The following ADCY8 variants were observed in gnomAD, a reference collection of about 807,000 sequenced individuals.
ADCY8 encodes the protein adenylate cyclase 8, also known as adenylate cyclase type 8.
Under a neutral mutation model 119.7 loss-of-function variants are expected in ADCY8, and 51 were observed. The ratio of observed to expected loss-of-function variants is 0.43; its 90% CI spans 0.34 to 0.54. The LOEUF (loss-of-function observed/expected upper bound fraction) is 0.54. ADCY8 is among the 20% of genes least tolerant of loss of function. ADCY8 has a pLI of 0.03. For synonymous variants in ADCY8, 665 were observed against 651.0 expected, an observed-to-expected ratio of 1.02 and a Z score of -0.33; for missense variants, 1,383 against 1,598.8, an observed-to-expected ratio of 0.87 and a Z score of 2.30.
chr8:130,803,733 G>C (rs1335586342), intron 14 of ADCY8, among the ~76,000 whole-genome samples: 1 of 152,224 alleles, frequency 6.6e-6, no homozygotes, highest in Non-Finnish European at 1.5e-5. Flanking sequence ...AGTAGTGGAA[G>C]AGAGGATCAG....
intron 2 of ADCY8, among the ~76,000 whole-genome samples, chr8:130,978,063 C>T (rs987040347): frequency 1.1e-4 from 16 of 152,126 alleles, no homozygotes; most frequent in Non-Finnish European, 2.1e-4. Flanking sequence ...CTTCACTCTG[C>T]CTTCACCATG....
chr8:131,038,849 AC>A (rs1179927075), intron 1 of ADCY8, among the ~76,000 whole-genome samples: 1 of 152,228 alleles, frequency 6.6e-6, no homozygotes, highest in Non-Finnish European at 1.5e-5. Flanking sequence ...ATGACATAAC[AC>A]GTACAGTACT....
chr8:130,943,489 G>A, intron 3 of ADCY8, 27 bp from the exon 4 acceptor site: 2 of 735,814 alleles, frequency 2.7e-6, no homozygotes, highest in South Asian at 1.4e-5. Flanking sequence ...GGGTGGGGGT[G>A]GGGGGAGGAA....
intron 14 of ADCY8, among the ~76,000 whole-genome samples, chr8:130,801,008 C>G (rs934046849): frequency 1.3e-5 from 2 of 152,158 alleles, no homozygotes; most frequent in Non-Finnish European, 2.9e-5. Context: ...TCCCAAATTT[C>G]CCACCTCCTA....
At chr8:130,898,497 T>C (rs1320304637) in intron 7 of ADCY8, among the ~76,000 whole-genome samples, 3 of 151,518 alleles carry the variant, frequency 2.0e-5, no homozygotes, top group African/African-American at 7.3e-5. Flanking sequence ...AATCAGTCTA[T>C]TGCATAGAAA....
chr8:130,784,555 T>C (rs2130044255), intron 16 of ADCY8, among the ~76,000 whole-genome samples: 1 of 152,374 alleles, frequency 6.6e-6, no homozygotes, highest in Non-Finnish European at 1.5e-5. Context: ...ATATGGTCTT[T>C]GTTGTGACAC....
At chr8:131,032,406 T>C (rs1407935547) in intron 1 of ADCY8, among the ~76,000 whole-genome samples, 1 of 152,142 alleles carries the variant, frequency 6.6e-6, no homozygotes, top group African/African-American at 2.4e-5. Context: ...TCTAGTTAAA[T>C]GAAATTCAGA....
intron 4 of ADCY8, among the ~76,000 whole-genome samples, chr8:130,939,189 CA>C (rs1298979842): frequency 6.6e-6 from 1 of 151,848 alleles, no homozygotes; most frequent in Non-Finnish European, 1.5e-5. Context: ...CTTATAAAAG[CA>C]AATATATTTT....
Position 130,923,290 on chromosome 8 carries a change from A to C in ADCY8, c.1482-13424T>G, listed in dbSNP as rs958165347. ...GAATAGACAGAAAAAAATAGAAAAA[A>C]ATAAAATGTAACAAAGAGAGAAATA... On this transcript the variant is annotated intron_variant, in intron 5 of 17. Coordinates refer to ENST00000286355, the MANE Select transcript of ADCY8 (RefSeq NM_001115.3). 4.6e-5 allele frequency among the ~76,000 whole-genome samples: 7 copies of C among 152,324 alleles called. No homozygotes were observed. The South Asian group carries it at 8.3e-4, about 18-fold the overall frequency.
At chr8:130,934,285 G>A (rs1232164389) in intron 5 of ADCY8, among the ~76,000 whole-genome samples, 1 of 152,188 alleles carries the variant, frequency 6.6e-6, no homozygotes, top group Non-Finnish European at 1.5e-5. Flanking sequence ...TGTACAGGAA[G>A]CATGGCTGCG....
At chr8:130,815,831 G>T (rs1452060274) in intron 13 of ADCY8, among the ~76,000 whole-genome samples, 1 of 152,298 alleles carries the variant, frequency 6.6e-6, no homozygotes, top group Middle Eastern at 3.4e-3. Context: ...CCAGGCAGGG[G>T]CGGAATAGGC....
chr8:130,903,659 G>A, intron 7 of ADCY8, 113 bp downstream of exon 7: 2 of 1,180,710 alleles, frequency 1.7e-6, no homozygotes, highest in Non-Finnish European at 2.4e-6. Context: ...TGCAATTATG[G>A]TGTTCATTGG....
intron 11 of ADCY8, among the ~76,000 whole-genome samples, chr8:130,837,362 AC>A (rs1370220082): frequency 6.6e-6 from 1 of 151,802 alleles, no homozygotes; most frequent in Non-Finnish European, 1.5e-5. Context: ...CTGTTGCTCG[AC>A]TCTCATCCAT....
intron 9 of ADCY8, among the ~76,000 whole-genome samples, chr8:130,861,891 C>T (rs867390196): frequency 4.0e-5 from 6 of 151,762 alleles, no homozygotes; most frequent in African/African-American, 1.5e-4. Context: ...CATAAATGGA[C>T]GTTGAAGTTT....
At chr8:130,926,195 A>G (rs527700029) in intron 5 of ADCY8, among the ~76,000 whole-genome samples, 25 of 152,214 alleles carry the variant, frequency 1.6e-4, no homozygotes, top group Non-Finnish European at 3.4e-4. Flanking sequence ...ACACAGGTAC[A>G]TACATTTACA....
chr8:130,926,275 T>C (rs910328426), intron 5 of ADCY8, among the ~76,000 whole-genome samples: 6 of 151,324 alleles, frequency 4.0e-5, no homozygotes, highest in Non-Finnish European at 7.4e-5. Flanking sequence ...TCTTAACAGC[T>C]AGCATGACTC....
intron 11 of ADCY8, among the ~76,000 whole-genome samples, chr8:130,838,034 A>G (rs1212632347): frequency 6.6e-6 from 1 of 152,176 alleles, no homozygotes; most frequent in Non-Finnish European, 1.5e-5. Context: ...TGTCTTTTCT[A>G]TTACATAGAC....
At chr8:130,976,872 T>G (rs1169817689) in intron 2 of ADCY8, among the ~76,000 whole-genome samples, 2 of 152,206 alleles carry the variant, frequency 1.3e-5, no homozygotes. Flanking sequence ...AAAAATTACC[T>G]TTACATGGAG....
At chr8:130,819,941 C>T (rs116596202) in intron 13 of ADCY8, among the ~76,000 whole-genome samples, 1,654 of 152,294 alleles carry the variant, frequency 0.011, 40 homozygotes, top group African/African-American at 0.035. Flanking sequence ...CTCTGATCAG[C>T]CCAGTGAAGT....
Sources: gnomAD v4.1 joint callset for allele counts (sites outside exome capture counted in the v4.1 genomes callset) on GRCh38, gnomAD v4.1.1 for gene constraint, MANE v1.5 for transcripts, NCBI Gene and HGNC (gene_info 2026-07-23, HGNC 2026-07-21) for gene names.